Variants in CMIP observed in about 807,000 individuals in gnomAD.
CMIP encodes C-Maf-inducing protein.
In CMIP, 13 loss-of-function variants were observed where a neutral mutation model predicts 97.3. The ratio of observed to expected loss-of-function variants is 0.13; its 90% confidence interval spans 0.09 to 0.21. The LOEUF is 0.21. Ranked by LOEUF, CMIP falls within the 10% of genes least tolerant of loss-of-function variation. The pLI is 1.00. For synonymous variants in CMIP, 538 were observed against 436.3 expected (o/e 1.23, Z -2.91); for missense variants, 847 against 1,024.9 (o/e 0.83, Z 2.37).
In CMIP at chr16:81,522,677, A is replaced by G. The variant is rs189159137; in HGVS notation, c.300+77136A>G. Among the ~76,000 whole-genome samples the G allele has an allele frequency of 5.6e-3, 848 of 152,346 alleles. 7 individuals are homozygous for G. Among genetic ancestry groups the G allele is most frequent in the South Asian group, 0.034 (166 of 4,832 alleles). On this transcript the variant is annotated intron_variant, in intron 1 of 20. Coordinates refer to ENST00000537098, the MANE Select transcript of CMIP (RefSeq NM_198390.3). Reference sequence around the variant, plus strand: ...AGCAAAAGCCACAAAGATTAGTATCATAAAATCGCATTTCTACCGCCCCGA... The same window carrying G: ...AGCAAAAGCCACAAAGATTAGTATCGTAAAATCGCATTTCTACCGCCCCGA...
chr16:81,631,891 A>G (rs528935425), intron 3 of CMIP: 1 of 152,400 alleles, frequency 6.6e-6, no homozygotes, highest in African/African-American at 2.4e-5. Flanking sequence ...GCACCAGTGT[A>G]TACTTGCACC....
At chr16:81,531,631 C>T (rs928206076) in intron 1 of CMIP, among the ~76,000 whole-genome samples, 10 of 152,220 alleles carry the variant, frequency 6.6e-5, no homozygotes, top group African/African-American at 7.2e-5. Context: ...GGCCACACCT[C>T]GAGGGGCAAG....
intron 4 of CMIP, among the ~76,000 whole-genome samples, chr16:81,653,259 C>T (rs562229283): frequency 1.2e-4 from 19 of 152,172 alleles, no homozygotes; most frequent in Non-Finnish European, 2.4e-4. Context: ...GGTCCTGAGT[C>T]TCCCCCGTCA....
At chr16:81,626,218 C>CGTGAGAATGTGTGT (rs11276285) in intron 3 of CMIP, among the ~76,000 whole-genome samples, 57,546 of 151,232 alleles carry the variant, frequency 0.38, 11,510 homozygotes, top group Non-Finnish European at 0.45. Flanking sequence ...TGTGTGTGCG[C>CGTGAGAATGTGTGT]GTGAGAATGT....
chr16:81,606,480 C>T (rs555066318), intron 1 of CMIP, among the ~76,000 whole-genome samples: 157 of 152,302 alleles, frequency 1.0e-3, no homozygotes, highest in African/African-American at 3.5e-3. Flanking sequence ...TTGTATCCCT[C>T]GGTCACCTGG....
chr16:81,592,975 C>T (rs917613268), intron 1 of CMIP, among the ~76,000 whole-genome samples: 1 of 152,256 alleles, frequency 6.6e-6, no homozygotes, highest in Non-Finnish European at 1.5e-5. Flanking sequence ...GGCACAGATG[C>T]CAAGGGCTGC....
chr16:81,458,363 G>T (rs1906690662), intron 1 of CMIP, among the ~76,000 whole-genome samples: 1 of 152,190 alleles, frequency 6.6e-6, no homozygotes, highest in Non-Finnish European at 1.5e-5. Context: ...GGGTCAGGGA[G>T]CACTGCAAAG....
chr16:81,463,737 C>T (rs1907031613), intron 1 of CMIP, among the ~76,000 whole-genome samples: 2 of 152,234 alleles, frequency 1.3e-5, no homozygotes, highest in South Asian at 4.1e-4. Flanking sequence ...AGGCCCTTGG[C>T]CTCCAGGGTC....
chr16:81,688,248 C>A (rs1168805027), intron 10 of CMIP, among the ~76,000 whole-genome samples: 1 of 152,216 alleles, frequency 6.6e-6, no homozygotes, highest in Non-Finnish European at 1.5e-5. Flanking sequence ...GCTGTCTCTG[C>A]ACACAGGAAG....
chr16:81,652,420 C>T lies in CMIP; in HGVS notation c.639+56C>T. 6.8e-7 allele frequency: 1 copy of T among 1,465,916 alleles called. No homozygotes were observed. 90.8% of individuals were successfully genotyped at this position (1,465,916 alleles called of 1,614,324 possible). On this transcript the variant is annotated intron_variant, in intron 4 of 20. Coordinates refer to ENST00000537098, the MANE Select transcript of CMIP (RefSeq NM_198390.3). The surrounding 1 kb of genome is among the most constrained non-coding windows in gnomAD (Gnocchi z 5.2). ...TGTTTGCCTTTCCCTCCACCGATCACCGGCTCCATGCCAAGCAGCAGGCGC... is the reference window on the plus strand; with the variant it reads ...TGTTTGCCTTTCCCTCCACCGATCATCGGCTCCATGCCAAGCAGCAGGCGC...
intron 1 of CMIP, among the ~76,000 whole-genome samples, chr16:81,565,676 A>T (rs980382263): frequency 6.6e-6 from 1 of 152,140 alleles, no homozygotes; most frequent in African/African-American, 2.4e-5. Flanking sequence ...GCAGCGGGGC[A>T]GGGGAGATTC....
chr16:81,592,974 G>T lies in CMIP; in HGVS notation c.301-14593G>T, dbSNP rs145538853. The stretch of plus-strand genomic sequence containing the variant: ...GGCAAAGGTGCCCAGTGGCACAGAT[G>T]CCAAGGGCTGCACCCTGGGGACCCA... On this transcript the variant is annotated intron_variant, in intron 1 of 20. Transcript: ENST00000537098. Among the ~76,000 whole-genome samples, 684 of 152,356 alleles carry T rather than the reference G, an allele frequency of 4.5e-3. 9 individuals are homozygous for T. Among genetic ancestry groups the T allele is most frequent in the African/African-American group, 0.016 (657 of 41,586 alleles).
At chr16:81,541,749 C>G (rs769817650) in intron 1 of CMIP, among the ~76,000 whole-genome samples, 7 of 152,126 alleles carry the variant, frequency 4.6e-5, no homozygotes, top group Non-Finnish European at 1.0e-4. Flanking sequence ...CTGTAATGAT[C>G]AGACAGCCTT....
At chr16:81,613,787 C>T (rs1445270710) in intron 2 of CMIP, among the ~76,000 whole-genome samples, 1 of 152,182 alleles carries the variant, frequency 6.6e-6, no homozygotes, top group Non-Finnish European at 1.5e-5. Context: ...TTCATCCATC[C>T]ATCTATCCGC....
chr16:81,690,302 C>T (rs1384945375), intron 10 of CMIP, among the ~76,000 whole-genome samples: 1 of 152,212 alleles, frequency 6.6e-6, no homozygotes, highest in Non-Finnish European at 1.5e-5. Context: ...GAATGTTCTT[C>T]CATTTCTTTG....
At chr16:81,533,182 T>G (rs1261013296) in intron 1 of CMIP, among the ~76,000 whole-genome samples, 1 of 152,224 alleles carries the variant, frequency 6.6e-6, no homozygotes, top group African/African-American at 2.4e-5. Context: ...ACGCGTTTCT[T>G]ACTTATTTTG....
In CMIP at chr16:81,701,677, G is replaced by A. The variant is rs1329965527; in HGVS notation, c.1773G>A (p.Leu591=). ...QTMVEILCLM[L]EYNIIDNNDT... The stretch of plus-strand genomic sequence containing the variant: ...CTGGACAGATCCTGTGCTTGATGCT[G>A]GAATACAACATCATCGACAACAACG... The change falls in exon 16 of 21, where the codon CTG becomes CTA. Residue 591 remains leucine, a synonymous_variant. Transcript: ENST00000537098. 6.2e-7 allele frequency: 1 copy of A among 1,613,892 alleles called. No individual in the cohort carries two copies. Among genetic ancestry groups the A allele is most frequent in the Non-Finnish European group, 8.5e-7 (1 of 1,179,892 alleles).
intron 1 of CMIP, among the ~76,000 whole-genome samples, chr16:81,514,036 A>AAAAAC (rs1159632694): frequency 2.4e-5 from 3 of 126,426 alleles, no homozygotes; most frequent in Non-Finnish European, 4.8e-5. Context: ...GAAAAACAAC[A>AAAAAC]AAAACAAAAC....
chr16:81,608,511 C>G (rs537536848), intron 2 of CMIP, among the ~76,000 whole-genome samples: 6 of 152,170 alleles, frequency 3.9e-5, no homozygotes, highest in Admixed American at 6.5e-5. Context: ...GTACCTTTTA[C>G]AAAATCTCAT....
Sources: gnomAD v4.1 joint callset for allele counts (sites outside exome capture counted in the v4.1 genomes callset) on GRCh38, gnomAD v4.1.1 for gene constraint, Gnocchi (gnomAD v3.1) non-coding constraint, MANE v1.5 for transcripts, NCBI Gene and HGNC (gene_info 2026-07-23, HGNC 2026-07-21) for gene names.